Variants in ACADSB observed in about 807,000 individuals in gnomAD.
ACADSB encodes the protein acyl-CoA dehydrogenase short/branched chain, also known as short/branched chain specific acyl-CoA dehydrogenase, mitochondrial.
A neutral mutation model predicts 54.1 loss-of-function variants in ACADSB; 40 were observed. The ratio of observed to expected loss-of-function variants is 0.74; its 90% CI spans 0.57 to 0.96. ACADSB has a LOEUF of 0.96. Ranked by LOEUF, ACADSB falls within the 40% of genes least tolerant of loss-of-function variation. ACADSB has a pLI of 0.00. For missense variants in ACADSB, 530 were observed against 510.4 expected, an observed-to-expected ratio of 1.04 and a Z score of -0.37; for synonymous variants, 182 against 182.8, an observed-to-expected ratio of 1.00 and a Z score of 0.03.
At chr10:123,014,000 C>T (rs1850079890) in intron 1 of ACADSB, among the ~76,000 whole-genome samples, 1 of 152,210 alleles carries the variant, frequency 6.6e-6, no homozygotes, top group Non-Finnish European at 1.5e-5. Context: ...AGAATGGGCG[C>T]CGAGGCCGAG....
chr10:123,046,288 C>T (rs4323807), intron 7 of ACADSB, among the ~76,000 whole-genome samples: 134,631 of 152,260 alleles, frequency 0.88, 59,568 homozygotes, highest in Middle Eastern at 0.95. Flanking sequence ...ATTGATAAGT[C>T]TGCTGGGCAT....
intron 3 of ACADSB, among the ~76,000 whole-genome samples, chr10:123,039,021 T>G (rs982408497): frequency 6.6e-6 from 1 of 152,208 alleles, no homozygotes; most frequent in Non-Finnish European, 1.5e-5. Flanking sequence ...ACCCTGCTAC[T>G]CATCTCCACA....
intron 1 of ACADSB, among the ~76,000 whole-genome samples, chr10:123,025,755 A>G (rs1385418774): frequency 6.6e-6 from 1 of 152,226 alleles, no homozygotes; most frequent in Admixed American, 6.5e-5. Context: ...TAGGAAGAGA[A>G]GCACAAATAT....
At chr10:123,020,575 G>A (rs1286673478) in intron 1 of ACADSB, among the ~76,000 whole-genome samples, 1 of 152,162 alleles carries the variant, frequency 6.6e-6, no homozygotes, top group African/African-American at 2.4e-5. Flanking sequence ...TTGAACTTCT[G>A]TTGTTACTTC....
chr10:123,045,323 C>T (rs1423586267), intron 7 of ACADSB, among the ~76,000 whole-genome samples: 6 of 123,764 alleles, frequency 4.8e-5, no homozygotes, highest in Middle Eastern at 4.2e-3. Context: ...GGACTACAGG[C>T]GCCCGCCACC....
At chr10:123,031,661 G>A (rs1195578955) in intron 1 of ACADSB, among the ~76,000 whole-genome samples, 4 of 152,138 alleles carry the variant, frequency 2.6e-5, no homozygotes, top group South Asian at 2.1e-4. Context: ...TTTTTCTGCC[G>A]AAAAATGTTA....
chr10:123,040,863 T>C (rs568622210), intron 4 of ACADSB, among the ~76,000 whole-genome samples, 191 bp downstream of exon 4: 1 of 152,342 alleles, frequency 6.6e-6, no homozygotes, highest in South Asian at 2.1e-4. Context: ...CAGTTGGAAA[T>C]TTAGAAAATA....
intron 1 of ACADSB, among the ~76,000 whole-genome samples, chr10:123,019,625 G>A (rs1850156629): frequency 6.6e-6 from 1 of 152,158 alleles, no homozygotes; most frequent in Admixed American, 6.5e-5. Context: ...TATTTGTCAA[G>A]GTTTGTTTGT....
At chr10:123,046,067 AT>A (rs1183393935) in intron 7 of ACADSB, among the ~76,000 whole-genome samples, 6 of 152,214 alleles carry the variant, frequency 3.9e-5, no homozygotes, top group African/African-American at 1.4e-4. Flanking sequence ...CTTCGTGTCA[AT>A]ATAGGGTATT....
chr10:123,046,805 G>C (rs1850565586), intron 7 of ACADSB, among the ~76,000 whole-genome samples: 6 of 152,190 alleles, frequency 3.9e-5, no homozygotes, highest in Admixed American at 3.9e-4. Flanking sequence ...ACTTCTAGAA[G>C]AACTGGAGGG....
At chr10:123,030,258 G>T (rs1247795729) in intron 1 of ACADSB, among the ~76,000 whole-genome samples, 1 of 152,152 alleles carries the variant, frequency 6.6e-6, no homozygotes, top group Non-Finnish European at 1.5e-5. Flanking sequence ...GGGCACGGTG[G>T]CTCACGCCAG....
At chr10:123,050,897 AC>A in intron 8 of ACADSB, 151 bp from the exon 9 acceptor site, 1 of 705,848 alleles carries the variant, frequency 1.4e-6, no homozygotes. Flanking sequence ...ATTTTAGATT[AC>A]TCATTTTAAA....
chr10:123,044,116 T>C (rs1186913532), intron 6 of ACADSB, among the ~76,000 whole-genome samples: 1 of 152,202 alleles, frequency 6.6e-6, no homozygotes, highest in East Asian at 1.9e-4. Context: ...TATTAATTTA[T>C]GTTATTGATG....
chr10:123,009,617 C>T (rs897582996), intron 1 of ACADSB, among the ~76,000 whole-genome samples: 3 of 152,214 alleles, frequency 2.0e-5, no homozygotes, highest in South Asian at 4.1e-4. Context: ...ACAGAGTTCC[C>T]TCTGCCCCTT....
intron 1 of ACADSB, among the ~76,000 whole-genome samples, chr10:123,023,218 G>A (rs1850206910): frequency 6.6e-6 from 1 of 152,120 alleles, no homozygotes; most frequent in South Asian, 2.1e-4. Context: ...AACCTTCTAT[G>A]CCAAACCCTG....
At chr10:123,040,693 G>T in intron 4 of ACADSB, 21 bp downstream of exon 4, 1 of 1,580,450 alleles carries the variant, frequency 6.3e-7, no homozygotes, top group South Asian at 1.1e-5. Flanking sequence ...ATGAATTGTT[G>T]ATCTAATGGA....
chr10:123,042,462 T>C (rs936973589), intron 5 of ACADSB, among the ~76,000 whole-genome samples: 75 of 146,744 alleles, frequency 5.1e-4, no homozygotes, highest in African/African-American at 1.6e-3. Context: ...TAAAACTTTT[T>C]TTTTTTTTTT....
chr10:123,046,894 G>T (rs1850567500), intron 7 of ACADSB, among the ~76,000 whole-genome samples: 1 of 152,176 alleles, frequency 6.6e-6, no homozygotes, highest in Non-Finnish European at 1.5e-5. Context: ...CAAAGCTTAA[G>T]GAAGATTCCT....
chr10:123,011,559 CTCTG>C (rs1188669283), intron 1 of ACADSB, among the ~76,000 whole-genome samples: 9 of 145,330 alleles, frequency 6.2e-5, no homozygotes, highest in Non-Finnish European at 7.5e-5. Flanking sequence ...CGGAGTCTTA[CTCTG>C]TCGCCCAGGT....
Sources: allele counts gnomAD v4.1 joint callset (sites outside exome capture counted in the v4.1 genomes callset), GRCh38; gene constraint gnomAD v4.1.1; transcripts MANE v1.5; gene names NCBI Gene and HGNC (gene_info 2026-07-23, HGNC 2026-07-21).